The following ATG9B variants were observed in gnomAD, a reference collection of about 807,000 sequenced individuals.
ATG9B encodes autophagy-related protein 9B.
In ATG9B, 92 loss-of-function variants were observed where a neutral mutation model predicts 92.9. The ratio of observed to expected loss-of-function variants is 0.99; its 90% CI spans 0.84 to 1.18. The LOEUF (loss-of-function observed/expected upper bound fraction) is 1.18. Ranked by LOEUF, ATG9B falls within the 50% of genes most tolerant of loss-of-function variation. ATG9B has a pLI of 0.00. For missense variants in ATG9B, 1,344 were observed against 1,235.0 expected (o/e 1.09, Z -1.32); for synonymous variants, 599 against 551.4 (o/e 1.09, Z -1.21).
In ATG9B at chr7:151,016,025, T is replaced by C. The variant is rs1452559636; in HGVS notation, c.2648-2A>G. ...TGGGGCTAGAGGCAGGACTGGAGCC[T>C]GGTGAAAAAGGCCATCAGCTGGGCA... On this transcript the variant is annotated splice_acceptor_variant, in intron 12 of 13. Coordinates refer to ENST00000639579, the MANE Select transcript of ATG9B (RefSeq NM_001317056.2). LOFTEE classifies it high-confidence loss of function. 2 of 1,551,258 alleles carry C rather than the reference T, an allele frequency of 1.3e-6. No individual in the cohort carries two copies. The highest frequency in any genetic ancestry group is 2.4e-5 in the South Asian group (2 of 84,018).
At chr7:151,023,407 C>G (rs763300018) in intron 3 of ATG9B, 38 bp downstream of exon 3, 11 of 1,610,566 alleles carry the variant, frequency 6.8e-6, no homozygotes, top group Non-Finnish European at 9.3e-6. Flanking sequence ...GCCATGGGCC[C>G]AGGGGACCGA....
Position 151,018,716 on chromosome 7 carries a change from G to C in ATG9B, c.1622C>G (p.Ala541Gly). 4 of 1,597,490 alleles carry C rather than the reference G, an allele frequency of 2.5e-6. No homozygotes were observed. Among genetic ancestry groups the C allele is most frequent in the Non-Finnish European group, 2.6e-6 (3 of 1,174,818 alleles). ...GTCGTAGACGGTGAGCACAAGCAGCGCGGCGAAGAGTGCACCCGCGAAGAA... is the reference window on the plus strand; with the variant it reads ...GTCGTAGACGGTGAGCACAAGCAGCCCGGCGAAGAGTGCACCCGCGAAGAA... The part of the protein sequence containing the change: ...LVFFAGALFA[A>G]LLVLTVYDED... Residue 541 changes from alanine to glycine, a missense_variant, in exon 6 of 14, where the codon GCG becomes GGG. Physicochemically the swap from Ala to Gly is moderately conservative, Grantham distance 60 (BLOSUM62 0). Coordinates refer to ENST00000639579, the MANE Select transcript of ATG9B (RefSeq NM_001317056.2). This position sits in a 1 kb window ranked among gnomAD's most constrained non-coding sequence, Gnocchi z 4.7.
chr7:151,024,302 C>G lies in ATG9B; in HGVS notation c.122G>C (p.Arg41Pro). 1 of 1,419,960 alleles carries G rather than the reference C, an allele frequency of 7.0e-7. No homozygotes were observed. Among genetic ancestry groups the G allele is most frequent in the Non-Finnish European group, 9.2e-7 (1 of 1,082,196 alleles). 88.0% of individuals were successfully genotyped at this position (1,419,960 alleles called of 1,614,324 possible). ...PLPPPPPPSC[R>P]GPGGGRISIF... ...GGAGATCCTCCCTCCCCCAGGTCCC[C>G]GGCATGAAGGAGGAGGAGGAGGTGG... The change falls in exon 1 of 14, where the codon CGG becomes CCG. Residue 41 changes from arginine to proline, a missense_variant. Arg to Pro is a moderately radical substitution (Grantham distance 103). Coordinates refer to ENST00000639579, the MANE Select transcript of ATG9B (RefSeq NM_001317056.2).
downstream of ATG9B, chr7:151,013,092 T>G (rs1234938870): frequency 3.3e-6 from 3 of 909,602 alleles, no homozygotes; most frequent in Non-Finnish European, 5.1e-6. Context: ...TACACTCTCT[T>G]AGAGATGAAA....
chr7:151,016,745 G>A lies in ATG9B; in HGVS notation c.2366C>T (p.Pro789Leu). The A allele has an allele frequency of 6.2e-7, 1 of 1,612,794 alleles. No homozygotes were observed. Among genetic ancestry groups the A allele is most frequent in the East Asian group, 2.2e-5 (1 of 44,844 alleles). The change falls in exon 10 of 14, where the codon CCA (proline) becomes CTA (leucine). Residue 789 changes from proline (P) to leucine (L), a missense_variant. By Grantham distance (98) the Pro-to-Leu change is moderately conservative (BLOSUM62 -3). Transcript: ENST00000639579. ...PRDLSPTAPC[P>L]AAATASLLAS... ...AAGGAGGCTGGCTGTGGCCGCAGCT[G>A]GACAGGGGGCTGTCGGGCTCAGATC...
rs899610061 is a variant in ATG9B, at chr7:151,024,448, T to C, written c.-25A>G. 4.6e-6 allele frequency: 6 copies of C among 1,314,386 alleles called. No homozygotes were observed. The African/African-American group carries it at 6.2e-5, about 14-fold the overall frequency. The allele number at this position is 1,314,386 out of a possible 1,614,324, so 81.4% of individuals were successfully genotyped here. On this transcript the variant is annotated 5_prime_UTR_variant, in exon 1 of 14. Coordinates refer to ENST00000639579, the MANE Select transcript of ATG9B (RefSeq NM_001317056.2). ...TCAGGCCACGGCTTCTCCAGAAAGG[T>C]TGGAAGGATGGGAGCTGTTGTTGCT...
chr7:151,017,751 G>T, intron 8 of ATG9B, 120 bp downstream of exon 8: 1 of 1,243,332 alleles, frequency 8.0e-7, no homozygotes. Flanking sequence ...GAAGGGAAGT[G>T]ACCCGCTCAA....
intron 5 of ATG9B, chr7:151,020,436 C>T (rs1364828483): frequency 6.5e-6 from 1 of 152,802 alleles, no homozygotes; most frequent in African/African-American, 2.4e-5. Flanking sequence ...CGAGGTCCAG[C>T]TTCCGCTCTC....
At position 151,016,881 on chromosome 7, in the gene ATG9B, G is replaced by A. The variant is rs577200666; in HGVS notation, c.2290-60C>T. On this transcript the variant is annotated intron_variant, in intron 9 of 13. Transcript: ENST00000639579. The stretch of plus-strand genomic sequence containing the variant: ...AGTCAGAAGAGAGGACAGAAACGGA[G>A]TAGGGAGGAAGCAGAGGCCTAAAGA... 9.6e-6 allele frequency: 15 copies of A among 1,561,622 alleles called. No homozygotes were observed. The Admixed American group carries it at 1.5e-4, about 15-fold the overall frequency.
chr7:151,012,311 G>T (rs1480315471), downstream of ATG9B: 2 of 1,522,474 alleles, frequency 1.3e-6, no homozygotes, highest in South Asian at 1.2e-5. Context: ...GGTGGAGCAG[G>T]AAAGGCAAAG....
At position 151,018,450 on chromosome 7, in the gene ATG9B, G is replaced by A; in HGVS notation, c.1719-3C>T. Reference sequence around the variant, plus strand: ...ACTGCTCTTCCGGAATGAAAGACCTGAAAGGCGGGATCCGTGGGGGGAAGG... The same window carrying A: ...ACTGCTCTTCCGGAATGAAAGACCTAAAAGGCGGGATCCGTGGGGGGAAGG... On this transcript the variant is annotated splice_polypyrimidine_tract_variant and splice_region_variant and intron_variant, in intron 6 of 13. Coordinates refer to ENST00000639579, the MANE Select transcript of ATG9B (RefSeq NM_001317056.2). The surrounding 1 kb of genome is among the most constrained non-coding windows in gnomAD (Gnocchi z 4.7). 1 of 1,524,010 alleles carries A rather than the reference G, an allele frequency of 6.6e-7. No individual in the cohort carries two copies. Among genetic ancestry groups the A allele is most frequent in the Non-Finnish European group, 8.8e-7 (1 of 1,136,648 alleles). 94.4% of individuals were successfully genotyped at this position (1,524,010 alleles called of 1,614,324 possible). A position where few individuals can be genotyped will look rare whatever the true frequency, so the allele number is the denominator to read the frequency against.
At position 151,023,483 on chromosome 7, in the gene ATG9B, G is replaced by A. The variant is rs1194352997; in HGVS notation, c.621C>T (p.Gly207=). The change falls in exon 3 of 14, where the codon GGC becomes GGT. Residue 207 remains glycine (G), a synonymous_variant. Transcript: ENST00000639579. ...TKIYSYHQRN[G]FACILLEDVF... is the part of the protein sequence containing the mutation. ...CATCCTCCAGCAAGATGCAGGCAAA[G>A]CCATTCCGCTGGTGGTAGCTGTAGA... The A allele has an allele frequency of 6.2e-7, 1 of 1,612,980 alleles. No individual in the cohort carries two copies.
In ATG9B at chr7:151,021,333, T is replaced by C. The variant is rs950377852; in HGVS notation, c.822-4A>G. ...CAGCAGCGGGCTGGAGCGGATCCTG[T>C]ATGGGGTTGGGCGGGCAGTGGGGGA... On this transcript the variant is annotated splice_polypyrimidine_tract_variant and splice_region_variant and intron_variant, in intron 4 of 13. Transcript: ENST00000639579. 2.5e-6 allele frequency: 4 copies of C among 1,596,390 alleles called. No homozygotes were observed. The highest frequency in any genetic ancestry group is 3.4e-6 in the Non-Finnish European group (4 of 1,169,644).
intron 12 of ATG9B, 36 bp downstream of exon 12, chr7:151,016,073 C>T: frequency 6.5e-7 from 1 of 1,546,634 alleles, no homozygotes; most frequent in Non-Finnish European, 8.7e-7. Flanking sequence ...CCAGTGTCCA[C>T]CAGGCTCTGT....
chr7:151,018,725 A>G lies in ATG9B; in HGVS notation c.1613T>C (p.Leu538Pro), dbSNP rs1410934202. The change falls in exon 6 of 14, where the codon CTC becomes CCC. Residue 538 changes from leucine to proline, a missense_variant. By Grantham distance (98) the Leu-to-Pro change is moderately conservative. Transcript: ENST00000639579. The surrounding 1 kb of genome is among the most constrained non-coding windows in gnomAD (Gnocchi z 4.7). ...ARQLVFFAGA[L>P]FAALLVLTVY... ...GGTGAGCACAAGCAGCGCGGCGAAG[A>G]GTGCACCCGCGAAGAAAACGAGCTG... The G allele has an allele frequency of 3.1e-6, 5 of 1,592,332 alleles. No homozygotes were observed. The highest frequency in any genetic ancestry group is 1.7e-4 in the Middle Eastern group (1 of 5,998).
chr7:151,016,709 G>A lies in ATG9B; in HGVS notation c.2402C>T (p.Ser801Phe). Residue 801 changes from serine (S) to phenylalanine (F), a missense_variant, in exon 10 of 14, where the codon TCC becomes TTC. Transcript: ENST00000639579. ...TCACCTGGGGTCCTGGGCAATTCGG[G>A]AAATGGAGGCAAGGAGGCTGGCTGT... is the stretch of plus-strand genomic sequence containing the variant. ...AATASLLASI[S>F]RIAQDPSSVS... 1 of 1,605,394 alleles carries A rather than the reference G, an allele frequency of 6.2e-7. No homozygotes were observed. The highest frequency in any genetic ancestry group is 8.5e-7 in the Non-Finnish European group (1 of 1,175,372).
Position 151,023,004 on chromosome 7 carries a change from C to T in ATG9B, c.821+41G>A, listed in dbSNP as rs769205242. 1.5e-5 allele frequency: 24 copies of T among 1,613,176 alleles called. No individual in the cohort carries two copies. The African/African-American group carries it at 1.9e-4, about 13-fold the overall frequency. ...CTCCCGTCTACTCCTCTACCCACTG[C>T]CCATGCTTCACCCCCAGGGCCCCAC... On this transcript the variant is annotated intron_variant, in intron 4 of 13. Coordinates refer to ENST00000639579, the MANE Select transcript of ATG9B (RefSeq NM_001317056.2).
At chr7:151,021,949 G>A (rs184882570) in intron 4 of ATG9B, among the ~76,000 whole-genome samples, 6 of 126,948 alleles carry the variant, frequency 4.7e-5, no homozygotes, top group South Asian at 4.4e-4. Context: ...ACGCCCAGCC[G>A]CACTCTTACA....
chr7:151,016,422 T>C lies in ATG9B; in HGVS notation c.2520+9A>G. ...TCCACATTTCTCCTTTGGGCACCCC[T>C]CTACTCACCTGGTGCAGGTAGATGA... On this transcript the variant is annotated intron_variant, in intron 11 of 13. Coordinates refer to ENST00000639579, the MANE Select transcript of ATG9B (RefSeq NM_001317056.2). 1 of 1,551,074 alleles carries C rather than the reference T, an allele frequency of 6.4e-7. No individual in the cohort carries two copies. The highest frequency in any genetic ancestry group is 8.7e-7 in the Non-Finnish European group (1 of 1,146,604).
Sources: gnomAD v4.1 joint callset for allele counts (sites outside exome capture counted in the v4.1 genomes callset) on GRCh38, gnomAD v4.1.1 for gene constraint, Gnocchi (gnomAD v3.1) non-coding constraint, MANE v1.5 for transcripts, NCBI Gene and HGNC (gene_info 2026-07-23, HGNC 2026-07-21) for gene names.